Variants in FUT8 observed in about 807,000 individuals in gnomAD.
The protein encoded by FUT8 is alpha-(1,6)-fucosyltransferase.
Under a neutral mutation model 71.3 loss-of-function variants are expected in FUT8, and 29 were observed. That is an observed-to-expected ratio of 0.41 (90% CI 0.30 to 0.55). The LOEUF (loss-of-function observed/expected upper bound fraction) is 0.55. Ranked by LOEUF, FUT8 falls within the 20% of genes least tolerant of loss-of-function variation. The pLI, the probability that FUT8 is intolerant of heterozygous loss-of-function variation, is 0.34. For synonymous variants in FUT8, 254 were observed against 239.3 expected, an observed-to-expected ratio of 1.06 and a Z score of -0.57; for missense variants, 544 against 702.1, an observed-to-expected ratio of 0.77 and a Z score of 2.55.
intron 7 of FUT8, among the ~76,000 whole-genome samples, chr14:65,713,698 C>T (rs528671965): frequency 2.0e-5 from 3 of 152,266 alleles, no homozygotes; most frequent in East Asian, 1.9e-4. Context: ...AATGTCTAAT[C>T]GGATCTTTTG....
intron 2 of FUT8, among the ~76,000 whole-genome samples, chr14:65,514,775 A>G (rs1438120412): frequency 6.6e-6 from 1 of 151,982 alleles, no homozygotes; most frequent in Non-Finnish European, 1.5e-5. Flanking sequence ...TTACATATGT[A>G]TACATGTGCC....
At chr14:65,481,234 ACTG>A (rs1485084401) in intron 2 of FUT8, among the ~76,000 whole-genome samples, 1 of 152,130 alleles carries the variant, frequency 6.6e-6, no homozygotes, top group Non-Finnish European at 1.5e-5. Context: ...TCTTATGCTT[ACTG>A]TTCATTTGCA....
intron 6 of FUT8, among the ~76,000 whole-genome samples, chr14:65,661,885 C>G (rs1891984561): frequency 6.6e-6 from 1 of 152,024 alleles, no homozygotes; most frequent in Non-Finnish European, 1.5e-5. Flanking sequence ...ATATTTTAAC[C>G]TAAGTAAAAT....
intron 2 of FUT8, among the ~76,000 whole-genome samples, chr14:65,546,649 TTGTA>T (rs1437363143): frequency 1.3e-5 from 2 of 151,868 alleles, no homozygotes; most frequent in African/African-American, 2.4e-5. Context: ...GTACTAGTCT[TTGTA>T]TGGACATACA....
At chr14:65,656,809 C>T (rs942293906) in intron 6 of FUT8, among the ~76,000 whole-genome samples, 3 of 152,056 alleles carry the variant, frequency 2.0e-5, no homozygotes, top group Non-Finnish European at 2.9e-5. Flanking sequence ...GGCATATAGA[C>T]CATAGACCAA....
intron 6 of FUT8, chr14:65,645,851 G>T (rs1261917863): frequency 2.0e-5 from 3 of 152,112 alleles, no homozygotes; most frequent in South Asian, 2.1e-4. Context: ...CTCTCACCCT[G>T]TATCTATTTA....
At chr14:65,389,002 A>G in the FUT8 span, among the ~76,000 whole-genome samples, 1 of 150,920 alleles carries the variant, frequency 6.6e-6, no homozygotes, top group African/African-American at 2.4e-5. Flanking sequence ...AAATGAATAC[A>G]TACATATTTA....
chr14:65,494,348 C>T (rs1024602759), intron 2 of FUT8, among the ~76,000 whole-genome samples: 3 of 152,180 alleles, frequency 2.0e-5, no homozygotes, highest in Admixed American at 6.6e-5. Flanking sequence ...AAACTAACCA[C>T]ATTTCATATG....
chr14:65,386,986 C>A, the FUT8 span, among the ~76,000 whole-genome samples: 1 of 151,756 alleles, frequency 6.6e-6, no homozygotes, highest in African/African-American at 2.4e-5. Flanking sequence ...GGATTACAGG[C>A]GCCTACCATC....
At chr14:65,690,585 G>A (rs1199993712) in intron 7 of FUT8, among the ~76,000 whole-genome samples, 1 of 151,930 alleles carries the variant, frequency 6.6e-6, no homozygotes, top group Non-Finnish European at 1.5e-5. Flanking sequence ...GTCATATAGA[G>A]CTCATAATGT....
At chr14:65,614,073 C>A in intron 3 of FUT8, among the ~76,000 whole-genome samples, 1 of 149,306 alleles carries the variant, frequency 6.7e-6, no homozygotes, top group Admixed American at 6.7e-5. Flanking sequence ...AAGATCCCAT[C>A]ACTGTACTCC....
At chr14:65,382,539 C>T in the FUT8 span, among the ~76,000 whole-genome samples, 55 of 152,192 alleles carry the variant, frequency 3.6e-4, 1 homozygote, top group East Asian at 0.01. Flanking sequence ...GGGATTTCAC[C>T]ACCTTGGCCA....
intron 2 of FUT8, among the ~76,000 whole-genome samples, chr14:65,489,000 A>C (rs2066447345): frequency 6.6e-6 from 1 of 152,190 alleles, no homozygotes; most frequent in African/African-American, 2.4e-5. Context: ...TAACTATGGA[A>C]AATATATTTG....
chr14:65,407,153 A>G (rs1319478317), upstream of FUT8, among the ~76,000 whole-genome samples: 1 of 152,184 alleles, frequency 6.6e-6, no homozygotes, highest in Non-Finnish European at 1.5e-5. Flanking sequence ...GTTGAACCAG[A>G]TTGGTGTGAT....
intron 2 of FUT8, among the ~76,000 whole-genome samples, chr14:65,476,637 ATTTTTTTTTTTTTTT>A (rs200882761): frequency 2.4e-5 from 3 of 125,152 alleles, no homozygotes; most frequent in Admixed American, 8.2e-5. Context: ...AAAGAAGTAG[ATTTTTTTTTTTTTTT>A]TTTTTTTTTT....
intron 3 of FUT8, among the ~76,000 whole-genome samples, chr14:65,594,895 G>A (rs1395277015): frequency 3.9e-5 from 6 of 151,990 alleles, no homozygotes; most frequent in South Asian, 4.2e-4. Flanking sequence ...GGGTTGGGAC[G>A]GGCCATAGGT....
intron 2 of FUT8, among the ~76,000 whole-genome samples, chr14:65,525,496 G>C (rs1319288016): frequency 5.9e-5 from 9 of 152,016 alleles, no homozygotes; most frequent in Non-Finnish European, 1.3e-4. Context: ...CAATTTTGTT[G>C]ATGTTTTCAA....
the FUT8 span, among the ~76,000 whole-genome samples, chr14:65,401,032 T>C: frequency 3.3e-5 from 5 of 152,120 alleles, no homozygotes; most frequent in African/African-American, 1.2e-4. Flanking sequence ...ACCAGACCAA[T>C]GTAAGGGAGG....
intron 2 of FUT8, among the ~76,000 whole-genome samples, chr14:65,469,209 T>A (rs902396842): frequency 6.6e-6 from 1 of 152,218 alleles, no homozygotes; most frequent in Non-Finnish European, 1.5e-5. Context: ...TTCCTGGTGA[T>A]AATTTGATAA....
Sources: allele counts gnomAD v4.1 joint callset (sites outside exome capture counted in the v4.1 genomes callset), GRCh38; gene constraint gnomAD v4.1.1; transcripts MANE v1.5; gene names NCBI Gene and HGNC (gene_info 2026-07-23, HGNC 2026-07-21).